AGT: variants seen among roughly 807,000 people sequenced by gnomAD.
AGT encodes the protein angiotensinogen, also known as alpha-1 antiproteinase, antitrypsin.
In AGT, 26 loss-of-function variants were observed where a neutral mutation model predicts 28.1. That is an observed-to-expected ratio of 0.92 (90% CI 0.68 to 1.28). AGT has a LOEUF of 1.28. Among genes scored for constraint, AGT ranks in the 50% most tolerant of loss-of-function variants. AGT has a pLI of 0.00. For missense variants in AGT, 596 were observed against 592.3 expected (o/e 1.01, Z -0.06); for synonymous variants, 259 against 259.6 (o/e 1.00, Z 0.02).
upstream of AGT, among the ~76,000 whole-genome samples, chr1:230,717,138 G>A (rs930827811): frequency 6.7e-6 from 1 of 148,258 alleles, no homozygotes; most frequent in Non-Finnish European, 1.5e-5. Flanking sequence ...CTGGGGCAAA[G>A]CTACAAATTA....
chr1:230,710,915 AC>A, intron 1 of AGT, 62 bp from the exon 2 acceptor site: 1 of 1,567,592 alleles, frequency 6.4e-7, no homozygotes, highest in Non-Finnish European at 8.7e-7. Context: ...GTGCCATCTA[AC>A]CAGATCTTTC....
At chr1:230,743,242 CA>C (rs1664280726) in intron 1 of AGT, among the ~76,000 whole-genome samples, 3 of 152,098 alleles carry the variant, frequency 2.0e-5, no homozygotes, top group Admixed American at 2.0e-4. Flanking sequence ...CCATCTGTCT[CA>C]GCCTCCCAAA....
intron 1 of AGT, among the ~76,000 whole-genome samples, chr1:230,719,932 A>G (rs544986896): frequency 6.6e-6 from 1 of 152,278 alleles, no homozygotes; most frequent in Non-Finnish European, 1.5e-5. Context: ...GTTTTTGACA[A>G]AAGAAAAGCT....
intron 1 of AGT, among the ~76,000 whole-genome samples, chr1:230,721,369 T>C (rs1201420575): frequency 2.0e-5 from 3 of 152,236 alleles, no homozygotes; most frequent in Non-Finnish European, 4.4e-5. Flanking sequence ...GGTTTTTGCT[T>C]GGCATATAGA....
intron 1 of AGT, among the ~76,000 whole-genome samples, chr1:230,727,912 G>C (rs1663974337): frequency 6.6e-6 from 1 of 152,188 alleles, no homozygotes; most frequent in African/African-American, 2.4e-5. Context: ...TAGAGAAAGA[G>C]TTTTATACAC....
At chr1:230,704,150 C>T in intron 4 of AGT, 43 bp downstream of exon 4, 1 of 1,614,122 alleles carries the variant, frequency 6.2e-7, no homozygotes, top group Non-Finnish European at 8.5e-7. Flanking sequence ...ACCCTGTGCA[C>T]ACTTGGAACC....
At position 230,710,348 on chromosome 1, in the gene AGT, T is replaced by C. The variant is rs1663542403; in HGVS notation, c.476A>G (p.Asp159Gly). Residue 159 changes from aspartate to glycine, a missense_variant, in exon 2 of 5, where the codon GAC becomes GGC. Physicochemically the swap from Asp to Gly is moderately conservative, Grantham distance 94. Transcript: ENST00000366667. ...LQAILGVPWK[D>G]KNCTSRLDAH... Reference sequence around the variant, plus strand: ...ATCCAGCCGGGAGGTGCAGTTCTTGTCCTTCCAAGGAACACCCAGGATTGC... The same window carrying C: ...ATCCAGCCGGGAGGTGCAGTTCTTGCCCTTCCAAGGAACACCCAGGATTGC... 2 of 1,614,078 alleles carry C rather than the reference T, an allele frequency of 1.2e-6. No individual in the cohort carries two copies. Among genetic ancestry groups the C allele is most frequent in the Non-Finnish European group, 1.7e-6 (2 of 1,180,018 alleles).
At chr1:230,722,915 G>T (rs1441215406) in intron 1 of AGT, among the ~76,000 whole-genome samples, 4 of 152,162 alleles carry the variant, frequency 2.6e-5, no homozygotes, top group Admixed American at 6.5e-5. Flanking sequence ...TTTGAAATCT[G>T]AAAAGGCATG....
intron 1 of AGT, among the ~76,000 whole-genome samples, chr1:230,719,600 G>A (rs984872123): frequency 6.6e-6 from 1 of 151,804 alleles, no homozygotes; most frequent in African/African-American, 2.4e-5. Flanking sequence ...GTAGAGACGG[G>A]GTTTCACCGT....
chr1:230,705,871 G>T lies in AGT; in HGVS notation c.1097+62C>A. ...CTCAGGTGTGTCTACTCCCCACCCC[G>T]CCCCCAGCCTGGGCAGGACAGTGTG... On this transcript the variant is annotated intron_variant, in intron 3 of 4. Transcript: ENST00000366667. 1.9e-6 allele frequency: 3 copies of T among 1,600,490 alleles called. No individual in the cohort carries two copies. In the East Asian group the frequency reaches 6.7e-5, roughly 36 times the overall value.
In AGT at chr1:230,726,670, G is replaced by A. The variant is rs113331278; in HGVS notation, c.-30-15817C>T. On this transcript the variant is annotated intron_variant, in intron 1 of 4. Transcript: ENST00000681269. Reference sequence around the variant, plus strand: ...ATCAATAGTAGGGAGTCTAATGGGTGAATGAATCTCTTCAATCATCCTTTC... The same window carrying A: ...ATCAATAGTAGGGAGTCTAATGGGTAAATGAATCTCTTCAATCATCCTTTC... 1.8e-3 allele frequency among the ~76,000 whole-genome samples: 272 copies of A among 152,272 alleles called. 1 individual carries two copies. The highest frequency in any genetic ancestry group is 3.4e-3 in the Non-Finnish European group (230 of 68,016).
chr1:230,743,023 G>A (rs142739688), intron 1 of AGT, among the ~76,000 whole-genome samples: 118 of 152,068 alleles, frequency 7.8e-4, no homozygotes, highest in African/African-American at 2.7e-3. Flanking sequence ...ATGGAGTCTC[G>A]CTCCTCGCCC....
chr1:230,744,128 A>G (rs1157039227), intron 1 of AGT, among the ~76,000 whole-genome samples: 5 of 152,362 alleles, frequency 3.3e-5, no homozygotes, highest in African/African-American at 9.6e-5. Flanking sequence ...GCCCAAGCTC[A>G]GAGCCCTTTC....
intron 1 of AGT, among the ~76,000 whole-genome samples, chr1:230,735,074 C>T (rs183759872): frequency 3.9e-5 from 6 of 152,250 alleles, no homozygotes; most frequent in Admixed American, 3.9e-4. Context: ...AGGAGAGGGT[C>T]GCTCATCGCC....
chr1:230,739,412 A>T (rs1282420768), intron 1 of AGT, among the ~76,000 whole-genome samples: 1 of 152,008 alleles, frequency 6.6e-6, no homozygotes, highest in Non-Finnish European at 1.5e-5. Flanking sequence ...ATTAAGAGTC[A>T]CCTTGTCCAC....
rs397829997 is a variant in AGT at position 230,743,463 on chromosome 1, C to CT, written c.-31+2051dup. On this transcript the variant is annotated intron_variant, in intron 1 of 4. Coordinates refer to the AGT transcript ENST00000681269. ...ACAGTACTTCTAGAAGAATCTGTCCCTTCCTGCCTTCACTCTGGTTACATC... is the reference window on the plus strand; with the variant it reads ...ACAGTACTTCTAGAAGAATCTGTCCCTTTCCTGCCTTCACTCTGGTTACATC... Among the ~76,000 whole-genome samples, 17 of 152,254 alleles carry CT rather than the reference C, an allele frequency of 1.1e-4. No homozygotes were observed. In the South Asian group the frequency reaches 3.5e-3, roughly 32 times the overall value.
At chr1:230,707,721 C>G (rs1275438631) in intron 2 of AGT, among the ~76,000 whole-genome samples, 2 of 152,214 alleles carry the variant, frequency 1.3e-5, no homozygotes, top group Non-Finnish European at 2.9e-5. Flanking sequence ...TTTCTTCCAA[C>G]AAACTAAACT....
intron 3 of AGT, among the ~76,000 whole-genome samples, chr1:230,705,113 G>A (rs1396820478): frequency 6.6e-6 from 1 of 152,162 alleles, no homozygotes; most frequent in African/African-American, 2.4e-5. Flanking sequence ...TGGAGAGTTA[G>A]TGTTTCAGCA....
intron 1 of AGT, among the ~76,000 whole-genome samples, chr1:230,739,744 C>T (rs551993740): frequency 6.6e-6 from 1 of 152,258 alleles, no homozygotes; most frequent in East Asian, 1.9e-4. Context: ...GAGGTCCCTG[C>T]TCCAGTGGCA....
Sources: allele counts gnomAD v4.1 joint callset (sites outside exome capture counted in the v4.1 genomes callset), GRCh38; gene constraint gnomAD v4.1.1; transcripts MANE v1.5; gene names NCBI Gene and HGNC (gene_info 2026-07-23, HGNC 2026-07-21).